Variants in TIPIN observed in about 807,000 individuals in gnomAD.
The protein encoded by TIPIN is TIMELESS-interacting protein.
TIPIN carries 29 observed loss-of-function variants against 35.6 expected under a neutral mutation model. The observed-to-expected ratio is 0.82, with a 90% CI of 0.61 to 1.11. The LOEUF (loss-of-function observed/expected upper bound fraction) is 1.11, where lower values mean the gene tolerates loss of function less well. Among genes scored for constraint, TIPIN ranks in the 50% most tolerant of loss-of-function variants. The pLI is 0.00. For missense variants in TIPIN, 296 were observed against 345.4 expected (o/e 0.86, Z 1.13); for synonymous variants, 102 against 121.5 (o/e 0.84, Z 1.06).
At chr15:66,338,218 G>A (rs1398668136) in intron 7 of TIPIN, among the ~76,000 whole-genome samples, 1 of 152,000 alleles carries the variant, frequency 6.6e-6, no homozygotes, top group Non-Finnish European at 1.5e-5. Context: ...ATCAGCAACT[G>A]CACTCCAGCC....
At chr15:66,380,591 A>G (rs2140501836) in intron 1 of TIPIN, among the ~76,000 whole-genome samples, 1 of 151,484 alleles carries the variant, frequency 6.6e-6, no homozygotes, top group East Asian at 2.0e-4. Flanking sequence ...GAGGTGGGTG[A>G]ATCACCTGAG....
intron 6 of TIPIN, among the ~76,000 whole-genome samples, chr15:66,342,397 C>G (rs969468857): frequency 2.6e-5 from 4 of 152,068 alleles, no homozygotes; most frequent in Non-Finnish European, 4.4e-5. Flanking sequence ...GAGTTTCACT[C>G]TTGTCACCCA....
At chr15:66,374,746 A>AT (rs1302948854) in intron 1 of TIPIN, among the ~76,000 whole-genome samples, 1 of 151,754 alleles carries the variant, frequency 6.6e-6, no homozygotes. Flanking sequence ...CGCCCAGCTA[A>AT]TTTTTTTGTA....
At chr15:66,379,213 G>A in intron 1 of TIPIN, 1 of 1,325,246 alleles carries the variant, frequency 7.5e-7, no homozygotes, top group Non-Finnish European at 1.0e-6. Flanking sequence ...GATGCACCTG[G>A]AATTTATTTA....
chr15:66,371,416 G>A, intron 1 of TIPIN: 1 of 977,864 alleles, frequency 1.0e-6, no homozygotes, highest in Non-Finnish European at 1.2e-6. Flanking sequence ...AAAAGCAAAA[G>A]AGGACAAATA....
chr15:66,379,404 T>C, intron 1 of TIPIN: 1 of 1,601,896 alleles, frequency 6.2e-7, no homozygotes, highest in Non-Finnish European at 8.5e-7. Flanking sequence ...TTTCCTGATA[T>C]CCTTGTTTTA....
chr15:66,355,107 C>T (rs1001140898), intron 1 of TIPIN, among the ~76,000 whole-genome samples: 1 of 146,924 alleles, frequency 6.8e-6, no homozygotes, highest in Non-Finnish European at 1.5e-5. Context: ...GATCTCTGCT[C>T]ACTGCAAGCT....
intron 1 of TIPIN, among the ~76,000 whole-genome samples, chr15:66,355,862 T>C (rs2093201133): frequency 6.6e-6 from 1 of 152,172 alleles, no homozygotes; most frequent in Admixed American, 6.6e-5. Context: ...GCTTTGAGTT[T>C]GATGACAGTA....
chr15:66,358,714 GCTACTTTTC>G (rs2093218065), upstream of TIPIN, among the ~76,000 whole-genome samples: 1 of 150,942 alleles, frequency 6.6e-6, no homozygotes, highest in Non-Finnish European at 1.5e-5. Context: ...ACCGCACCCA[GCTACTTTTC>G]TGTAGCTTGA....
chr15:66,382,261 C>A (rs1256183540), intron 1 of TIPIN: 1 of 767,194 alleles, frequency 1.3e-6, no homozygotes, highest in Non-Finnish European at 1.6e-6. Context: ...GGTAAGTAAT[C>A]AGCCAAGGGC....
intron 1 of TIPIN, chr15:66,379,166 GGCAT>G: frequency 1.1e-6 from 1 of 894,222 alleles, no homozygotes; most frequent in Non-Finnish European, 1.6e-6. Context: ...TGGAATCACA[GGCAT>G]GAGCCACTGT....
At chr15:66,386,052 A>C (rs938269318) in intron 1 of TIPIN, among the ~76,000 whole-genome samples, 6 of 152,204 alleles carry the variant, frequency 3.9e-5, no homozygotes, top group African/African-American at 1.4e-4. Context: ...TACAGGCGTG[A>C]GCCACCGCTC....
At chr15:66,349,163 C>A in intron 5 of TIPIN, 40 bp from the exon 6 acceptor site, 1 of 1,600,344 alleles carries the variant, frequency 6.2e-7, no homozygotes. Context: ...ACCTCTTTAC[C>A]AATCATGTTG....
At chr15:66,342,555 G>C (rs547831640) in intron 6 of TIPIN, among the ~76,000 whole-genome samples, 15 of 152,044 alleles carry the variant, frequency 9.9e-5, no homozygotes, top group African/African-American at 2.9e-4. Context: ...GTAGAGACAG[G>C]GTTTCACCGT....
chr15:66,353,632 ATC>A (rs2093184090), intron 1 of TIPIN, among the ~76,000 whole-genome samples: 1 of 151,478 alleles, frequency 6.6e-6, no homozygotes, highest in South Asian at 2.1e-4. Context: ...AAAAAAAAAA[ATC>A]TGTTTATATA....
intron 1 of TIPIN, among the ~76,000 whole-genome samples, chr15:66,380,823 T>TA (rs2093316238): frequency 1.3e-5 from 2 of 151,780 alleles, no homozygotes; most frequent in South Asian, 2.1e-4. Context: ...TGGAAAAAAT[T>TA]AAAAAAATAG....
chr15:66,340,605 C>CT (rs563593238), intron 7 of TIPIN, among the ~76,000 whole-genome samples: 39 of 148,116 alleles, frequency 2.6e-4, no homozygotes, highest in Admixed American at 1.1e-3. Context: ...AAAATAAATT[C>CT]TTTTTTTTTT....
chr15:66,352,541 C>T (rs2093175134), intron 2 of TIPIN, among the ~76,000 whole-genome samples: 1 of 152,036 alleles, frequency 6.6e-6, no homozygotes, highest in Admixed American at 6.6e-5. Context: ...CCTCCTGCCT[C>T]GGCCTCCCAA....
chr15:66,369,629 T>A (rs1396154946), intron 1 of TIPIN, among the ~76,000 whole-genome samples: 2 of 152,120 alleles, frequency 1.3e-5, no homozygotes, highest in African/African-American at 4.8e-5. Flanking sequence ...ATTACAGGCG[T>A]GAGCCACCAC....
Sources: gnomAD v4.1 joint callset for allele counts (sites outside exome capture counted in the v4.1 genomes callset) on GRCh38, gnomAD v4.1.1 for gene constraint, MANE v1.5 for transcripts, NCBI Gene and HGNC (gene_info 2026-07-23, HGNC 2026-07-21) for gene names.